CPS1: variants seen among roughly 807,000 people sequenced by gnomAD.
CPS1 encodes carbamoyl-phosphate synthase [ammonia], mitochondrial.
A neutral mutation model predicts 174.6 loss-of-function variants in CPS1; 109 were observed. That is an observed-to-expected ratio of 0.62 (90% confidence interval 0.53 to 0.73). CPS1 has a LOEUF of 0.73. CPS1 is among the 30% of genes least tolerant of loss of function. The pLI, the probability that CPS1 is intolerant of heterozygous loss-of-function variation, is 0.00. For missense variants in CPS1, 1,689 were observed against 1,821.9 expected (o/e 0.93, Z 1.33); for synonymous variants, 637 against 632.0 (o/e 1.01, Z -0.12).
chr2:210,633,706 G>T lies in CPS1; in HGVS notation c.2688-3996G>T, dbSNP rs557650090. On this transcript the variant is annotated intron_variant, in intron 21 of 37. Transcript: ENST00000233072. ...CATAGCGACCTTTGAAAACCTGACT[G>T]GTATTCCATGTAAGAAGGAATGCAA... Among the ~76,000 whole-genome samples the T allele has an allele frequency of 2.0e-5, 3 of 152,106 alleles. No individual in the cohort carries two copies. In the South Asian group the frequency reaches 6.3e-4, roughly 32 times the overall value.
intron 1 of CPS1, among the ~76,000 whole-genome samples, chr2:210,516,147 G>A (rs189266158): frequency 1.4e-4 from 22 of 151,848 alleles, no homozygotes; most frequent in African/African-American, 5.3e-4. Flanking sequence ...TATGTTCTGT[G>A]TGTAGATGTG....
chr2:210,596,259 A>G (rs1300818602), intron 13 of CPS1, among the ~76,000 whole-genome samples: 1 of 151,824 alleles, frequency 6.6e-6, no homozygotes, highest in Middle Eastern at 3.2e-3. Context: ...TATTTAATGT[A>G]TTTCTCTTGA....
chr2:210,573,532 C>CAAGG, intron 2 of CPS1, 125 bp downstream of exon 2: 8 of 787,124 alleles, frequency 1.0e-5, no homozygotes, highest in East Asian at 2.6e-5. Flanking sequence ...TGAAGTTGCA[C>CAAGG]CATGCCTTGT....
At chr2:210,599,237 C>G in intron 13 of CPS1, 135 bp from the exon 14 acceptor site, 1 of 747,764 alleles carries the variant, frequency 1.3e-6, no homozygotes, top group Non-Finnish European at 2.4e-6. Flanking sequence ...AACTTCCATT[C>G]ACTAGTCCTG....
chr2:210,524,561 T>C (rs1469947940), intron 1 of CPS1, among the ~76,000 whole-genome samples: 1 of 151,990 alleles, frequency 6.6e-6, no homozygotes, highest in African/African-American at 2.4e-5. Flanking sequence ...ATGGTTTCTA[T>C]ACCCCAGTAT....
intron 7 of CPS1, 65 bp from the exon 8 acceptor site, chr2:210,590,041 A>T: frequency 6.2e-7 from 1 of 1,600,876 alleles, no homozygotes; most frequent in East Asian, 2.2e-5. Flanking sequence ...GAGAAAGTCT[A>T]GCAAAATTAT....
chr2:210,546,783 A>G (rs1425956932), intron 1 of CPS1, among the ~76,000 whole-genome samples: 1 of 152,170 alleles, frequency 6.6e-6, no homozygotes, highest in African/African-American at 2.4e-5. Flanking sequence ...GTTAAGCCAC[A>G]GTAAGGTTCA....
intron 1 of CPS1, among the ~76,000 whole-genome samples, chr2:210,511,887 A>T (rs964643036): frequency 6.6e-6 from 1 of 152,086 alleles, no homozygotes; most frequent in African/African-American, 2.4e-5. Context: ...ATCTTCAATA[A>T]ATTTATTCAC....
At chr2:210,574,235 A>G (rs937977953) in intron 2 of CPS1, among the ~76,000 whole-genome samples, 10 of 152,168 alleles carry the variant, frequency 6.6e-5, no homozygotes, top group African/African-American at 2.4e-4. Flanking sequence ...GATTTAAACA[A>G]TTATGTGTCT....
intron 25 of CPS1, among the ~76,000 whole-genome samples, chr2:210,645,159 A>G (rs1024074855): frequency 3.3e-5 from 5 of 152,082 alleles, no homozygotes; most frequent in Non-Finnish European, 7.4e-5. Context: ...TTTTACAAAC[A>G]TGTTCTCATA....
chr2:210,672,349 G>A (rs1313249770), intron 34 of CPS1: 1 of 152,188 alleles, frequency 6.6e-6, no homozygotes, highest in Non-Finnish European at 1.5e-5. Flanking sequence ...AAGTGTTGGA[G>A]ATCATTATGC....
chr2:210,661,784 T>G (rs1173305288), intron 32 of CPS1, among the ~76,000 whole-genome samples: 1 of 152,270 alleles, frequency 6.6e-6, no homozygotes. Context: ...CCACTGGAGA[T>G]TCTATATATG....
intron 3 of CPS1, chr2:210,577,069 A>G (rs985845103): frequency 6.8e-6 from 2 of 295,352 alleles, no homozygotes; most frequent in Non-Finnish European, 1.3e-5. Context: ...TTTCCCATCA[A>G]TTTTTTCTCT....
chr2:210,673,391 G>A (rs1451415828), intron 34 of CPS1: 1 of 152,174 alleles, frequency 6.6e-6, no homozygotes, highest in Non-Finnish European at 1.5e-5. Flanking sequence ...TTCAGAAATA[G>A]GGAACTCCTG....
At chr2:210,631,852 A>T (rs1201782260) in intron 21 of CPS1, among the ~76,000 whole-genome samples, 3 of 152,250 alleles carry the variant, frequency 2.0e-5, no homozygotes, top group African/African-American at 7.2e-5. Flanking sequence ...AGTAAAAATT[A>T]ACATAAAATA....
intron 1 of CPS1, among the ~76,000 whole-genome samples, chr2:210,536,388 T>A (rs1369134255): frequency 6.6e-6 from 1 of 150,814 alleles, no homozygotes; most frequent in East Asian, 2.0e-4. Context: ...TGGCGTGATC[T>A]CGGCTCACTG....
intron 1 of CPS1, among the ~76,000 whole-genome samples, chr2:210,508,996 T>C (rs1385736576): frequency 6.6e-6 from 1 of 152,094 alleles, no homozygotes; most frequent in Non-Finnish European, 1.5e-5. Context: ...TTCCAATCAA[T>C]AGAAAAAGAG....
chr2:210,645,041 C>T (rs1700335317), intron 25 of CPS1, among the ~76,000 whole-genome samples: 1 of 152,046 alleles, frequency 6.6e-6, no homozygotes, highest in Admixed American at 6.6e-5. Flanking sequence ...GATGATTTAC[C>T]TGTGTGGGTT....
chr2:210,641,488 C>T (rs1052185874), intron 24 of CPS1, among the ~76,000 whole-genome samples: 4 of 152,138 alleles, frequency 2.6e-5, no homozygotes, highest in African/African-American at 7.2e-5. Context: ...TAAAACCCTC[C>T]TAAAAGGCCC....
Sources: allele counts gnomAD v4.1 joint callset (sites outside exome capture counted in the v4.1 genomes callset), GRCh38; gene constraint gnomAD v4.1.1; transcripts MANE v1.5; gene names NCBI Gene and HGNC (gene_info 2026-07-23, HGNC 2026-07-21).